ZBED4: variants seen among roughly 807,000 people sequenced by gnomAD.
ZBED4 encodes zinc finger BED domain-containing protein 4.
A neutral mutation model predicts 15.5 loss-of-function variants in ZBED4; 4 were observed. That is an observed-to-expected ratio of 0.26 (90% CI 0.13 to 0.59). The LOEUF is 0.59. ZBED4 is among the 20% of genes least tolerant of loss of function. The pLI is 0.90. For missense variants in ZBED4, 1,323 were observed against 1,461.8 expected, an observed-to-expected ratio of 0.91 and a Z score of 1.55; for synonymous variants, 692 against 608.5, an observed-to-expected ratio of 1.14 and a Z score of -2.02.
At chr22:49,857,699 C>A (rs1406405844) in intron 1 of ZBED4, among the ~76,000 whole-genome samples, 1 of 152,182 alleles carries the variant, frequency 6.6e-6, no homozygotes, top group Non-Finnish European at 1.5e-5. Context: ...TCAAGTGATT[C>A]TGCTGCCTTA....
rs943565811 is a variant in ZBED4, at chr22:49,887,485, T to G, written c.*307T>G. 1 of 261,270 alleles carries G rather than the reference T, an allele frequency of 3.8e-6. No individual in the cohort carries two copies. Among genetic ancestry groups the G allele is most frequent in the African/African-American group, 2.2e-5 (1 of 45,180 alleles). 16.2% of individuals were successfully genotyped at this position (261,270 alleles called of 1,614,324 possible). A position where few individuals can be genotyped will look rare whatever the true frequency, so the allele number is the denominator to read the frequency against. On this transcript the variant is annotated 3_prime_UTR_variant, in exon 2 of 2. Transcript: ENST00000216268. ...GTTTTGGGTTAGTAATTTGTTTTACTAGAATGACAAAGAAGATGTAAACCA... is the reference window on the plus strand; with the variant it reads ...GTTTTGGGTTAGTAATTTGTTTTACGAGAATGACAAAGAAGATGTAAACCA...
upstream of ZBED4, chr22:49,853,165 G>A (rs1355569389): frequency 2.0e-5 from 3 of 152,280 alleles, no homozygotes; most frequent in Admixed American, 2.0e-4. Context: ...ATTTGTGTTA[G>A]GAAATAACAC....
rs370021114 is a variant in ZBED4, at chr22:49,885,118, C to T, written c.1456C>T (p.Arg486Trp). 68 of 1,614,120 alleles carry T rather than the reference C, an allele frequency of 4.2e-5. No individual in the cohort carries two copies. Among genetic ancestry groups the T allele is most frequent in the East Asian group, 1.1e-4 (5 of 44,884 alleles). The stretch of plus-strand genomic sequence containing the variant: ...TCGGTACTGCGGCTGTGCCATCAGC[C>T]GGGGGAAGAAGGGTGATGTGGGCAC... Reference protein sequence around the residue: ...ECRYCGCAISRGKKGDVGTSC... With the variant: ...ECRYCGCAISWGKKGDVGTSC... The change falls in exon 2 of 2, where the codon CGG (arginine) becomes TGG (tryptophan). Residue 486 changes from arginine to tryptophan, a missense_variant. Physicochemically the swap from Arg to Trp is moderately radical, Grantham distance 101. Transcript: ENST00000216268.
rs187949743 is a variant in ZBED4 at position 49,864,355 on chromosome 22, A to G, written c.-330+10366A>G. ...AACAATGGCAGTACAACTGCCACCT[A>G]TATCATTACTGAAAACAGTGAAGAT... On this transcript the variant is annotated intron_variant, in intron 1 of 1. Transcript: ENST00000216268. 2.4e-4 allele frequency among the ~76,000 whole-genome samples: 37 copies of G among 152,358 alleles called. No homozygotes were observed. In the East Asian group the frequency reaches 4.0e-3, roughly 17 times the overall value.
chr22:49,858,172 G>A (rs940450767), intron 1 of ZBED4, among the ~76,000 whole-genome samples: 3 of 151,822 alleles, frequency 2.0e-5, no homozygotes, highest in Non-Finnish European at 4.4e-5. Context: ...AAAGGGCTGG[G>A]ATTACAGGCG....
rs1397421798 is a variant in ZBED4, at chr22:49,885,598, G to C, written c.1936G>C (p.Glu646Gln). ...SGASSFDDTN[E>Q]KFYDSHPVAK... The stretch of plus-strand genomic sequence containing the variant: ...CGCTTCCTCTTTTGATGACACCAAT[G>C]AGAAGTTTTACGATTCTCACCCAGT... The change falls in exon 2 of 2, where the codon GAG (glutamate) becomes CAG (glutamine). Residue 646 changes from glutamate to glutamine, a missense_variant. Glu to Gln is a conservative substitution (Grantham distance 29). Around this residue, in one of 6 missense-constraint regions of ZBED4, gnomAD observed 429 missense variants for 397.9 expected, o/e 1.08. Coordinates refer to ENST00000216268, the MANE Select transcript of ZBED4 (RefSeq NM_014838.3). 6.2e-7 allele frequency: 1 copy of C among 1,608,532 alleles called. No homozygotes were observed. The highest frequency in any genetic ancestry group is 1.3e-5 in the African/African-American group (1 of 74,730).
In ZBED4 at chr22:49,888,478, A is replaced by G. The variant is rs766422767; in HGVS notation, c.*1300A>G. On this transcript the variant is annotated 3_prime_UTR_variant, in exon 2 of 2. Coordinates refer to ENST00000216268, the MANE Select transcript of ZBED4 (RefSeq NM_014838.3). ...CAGACACTGGCTTTTTATTTTTAGG[A>G]TAAGAAAACAGGCATATTCTTTGTG... 7.2e-5 allele frequency: 12 copies of G among 167,248 alleles called. No homozygotes were observed. Among genetic ancestry groups the G allele is most frequent in the Admixed American group, 3.9e-4 (6 of 15,286 alleles). The allele number at this position is 167,248 out of a possible 1,614,324, so 10.4% of individuals were successfully genotyped here. A position where few individuals can be genotyped will look rare whatever the true frequency, so the allele number is the denominator to read the frequency against.
chr22:49,867,245 T>C (rs957561961), intron 1 of ZBED4, among the ~76,000 whole-genome samples: 16 of 152,230 alleles, frequency 1.1e-4, no homozygotes, highest in African/African-American at 3.1e-4. Context: ...TTAACTCCAT[T>C]GTGTTTAGAG....
rs1399125474 is a variant in ZBED4, at chr22:49,888,661, G to C, written c.*1483G>C. ...TCTCGTGTTCAAGTGGTGCCAGAAT[G>C]CAGGAGCCGGTGGGCAGCCCTGAGG... On this transcript the variant is annotated 3_prime_UTR_variant, in exon 2 of 2. Coordinates refer to ENST00000216268, the MANE Select transcript of ZBED4 (RefSeq NM_014838.3). 6.0e-6 allele frequency: 1 copy of C among 167,294 alleles called. No individual in the cohort carries two copies. Among genetic ancestry groups the C allele is most frequent in the Non-Finnish European group, 1.5e-5 (1 of 68,148 alleles). 10.4% of individuals were successfully genotyped at this position (167,294 alleles called of 1,614,324 possible). A position where few individuals can be genotyped will look rare whatever the true frequency, so the allele number is the denominator to read the frequency against.
Position 49,883,404 on chromosome 22 carries a change from G to A in ZBED4, c.-259G>A, listed in dbSNP as rs996557407. On this transcript the variant is annotated 5_prime_UTR_variant, in exon 2 of 2. Coordinates refer to ENST00000216268, the MANE Select transcript of ZBED4 (RefSeq NM_014838.3). Reference sequence around the variant, plus strand: ...ATCCTGTCCTCAGGACCAGAAGCACGTCTCTGCTGCACACATTGTTGTCTA... The same window carrying A: ...ATCCTGTCCTCAGGACCAGAAGCACATCTCTGCTGCACACATTGTTGTCTA... 4.7e-5 allele frequency: 16 copies of A among 341,232 alleles called. No individual in the cohort carries two copies. Among genetic ancestry groups the A allele is most frequent in the Non-Finnish European group, 5.7e-5 (11 of 191,578 alleles). 21.1% of individuals were successfully genotyped at this position (341,232 alleles called of 1,614,324 possible). A position where few individuals can be genotyped will look rare whatever the true frequency, so the allele number is the denominator to read the frequency against.
intron 1 of ZBED4, among the ~76,000 whole-genome samples, chr22:49,857,905 G>A (rs1387533767): frequency 3.3e-5 from 5 of 152,170 alleles, no homozygotes; most frequent in East Asian, 1.9e-4. Context: ...TACAATAGGC[G>A]TGCGCCACCG....
rs17001403 is a variant in ZBED4 at position 49,887,539 on chromosome 22, A to G, written c.*361A>G. 0.036 allele frequency: 6,957 copies of G among 194,864 alleles called. 338 individuals are homozygous for G. The highest frequency in any genetic ancestry group is 0.12 in the African/African-American group (5,168 of 42,472). 12.1% of individuals were successfully genotyped at this position (194,864 alleles called of 1,614,324 possible). ...TATTCTGTAGGCTTTTTACTCAATT[A>G]TGTACAAACCACAAATCAGGTACTG... On this transcript the variant is annotated 3_prime_UTR_variant, in exon 2 of 2. Transcript: ENST00000216268.
Position 49,883,874 on chromosome 22 carries a change from CG to C in ZBED4, c.216del (p.Lys73SerfsTer30). The C allele has an allele frequency of 1.9e-6, 3 of 1,605,866 alleles. No homozygotes were observed. The highest frequency in any genetic ancestry group is 1.1e-5 in the South Asian group (1 of 90,800). ...LGGTGCSCKP[P>X]GKYLSAESED... ...GGGACGGGTTGCAGCTGCAAGCCCC[CG>C]GGGAAGTACTTGTCTGCAGAGAGTG... On this transcript the variant is annotated frameshift_variant, in exon 2 of 2. Coordinates refer to ENST00000216268, the MANE Select transcript of ZBED4 (RefSeq NM_014838.3). LOFTEE classifies it low-confidence loss of function (END_TRUNC).
chr22:49,867,457 ACT>A (rs1372738011), intron 1 of ZBED4, among the ~76,000 whole-genome samples: 6 of 152,244 alleles, frequency 3.9e-5, no homozygotes, highest in Non-Finnish European at 8.8e-5. Flanking sequence ...GTTCTCGCTG[ACT>A]TTCTGTCTAG....
Position 49,883,909 on chromosome 22 carries a change from T to TA in ZBED4, c.248dup (p.Tyr83Ter), listed in dbSNP as rs1472517288. The TA allele has an allele frequency of 6.2e-7, 1 of 1,608,170 alleles. No homozygotes were observed. Among genetic ancestry groups the TA allele is most frequent in the Non-Finnish European group, 8.5e-7 (1 of 1,176,136 alleles). ...CTTGTCTGCAGAGAGTGAGGATGACTATGGCGCGCTGTTCTCCCAGTACAG... is the reference window on the plus strand; with the variant it reads ...CTTGTCTGCAGAGAGTGAGGATGACTAATGGCGCGCTGTTCTCCCAGTACAG... ...KYLSAESEDD[Y>*]GALFSQYSST... Residue 83 changes from tyrosine to a stop codon, truncating the protein, a stop_gained and frameshift_variant, in exon 2 of 2, where the codon TAT (tyrosine) becomes TAAT (stop). Transcript: ENST00000216268. LOFTEE classifies it low-confidence loss of function (END_TRUNC).
chr22:49,857,009 C>T (rs1025726385), intron 1 of ZBED4, among the ~76,000 whole-genome samples: 1 of 152,212 alleles, frequency 6.6e-6, no homozygotes, highest in African/African-American at 2.4e-5. Flanking sequence ...ACTGCTGCAG[C>T]CCCCTACCTG....
Position 49,884,900 on chromosome 22 carries a change from C to T in ZBED4, c.1238C>T (p.Ala413Val). ...GATGGGCTGATGGAAGACGTGGCGG[C>T]CTTCTCATCTTCCGATGACATAGGG... is the stretch of plus-strand genomic sequence containing the variant. ...PGDGLMEDVA[A>V]FSSSDDIGEA... The change falls in exon 2 of 2, where the codon GCC becomes GTC. Residue 413 changes from alanine (A) to valine (V), a missense_variant. This residue lies in a region of ZBED4 where 429 missense variants were observed against 397.9 expected (regional missense o/e 1.08). Coordinates refer to ENST00000216268, the MANE Select transcript of ZBED4 (RefSeq NM_014838.3). 2 of 1,602,478 alleles carry T rather than the reference C, an allele frequency of 1.2e-6. No homozygotes were observed. Among genetic ancestry groups the T allele is most frequent in the Non-Finnish European group, 1.7e-6 (2 of 1,172,672 alleles).
Position 49,884,655 on chromosome 22 carries a change from G to C in ZBED4, c.993G>C (p.Met331Ile). Residue 331 changes from methionine (M) to isoleucine (I), a missense_variant, in exon 2 of 2, where the codon ATG (methionine) becomes ATC (isoleucine). By Grantham distance (10) the Met-to-Ile change is conservative. Around this residue, in one of 6 missense-constraint regions of ZBED4, gnomAD observed 13 missense variants for 30.5 expected, o/e 0.43. Coordinates refer to ENST00000216268, the MANE Select transcript of ZBED4 (RefSeq NM_014838.3). ...DLGTSCLIRH[M>I]WRAHRAIVLQ... ...GCACGAGCTGCCTCATCAGGCACAT[G>C]TGGAGGGCACACCGCGCCATCGTGT... 6.8e-6 allele frequency: 11 copies of C among 1,612,330 alleles called. No homozygotes were observed. The highest frequency in any genetic ancestry group is 7.6e-6 in the Non-Finnish European group (9 of 1,179,092).
intron 1 of ZBED4, among the ~76,000 whole-genome samples, chr22:49,875,418 C>CTTTTTTTTTTTTTTT (rs55993655): frequency 6.9e-6 from 1 of 145,172 alleles, no homozygotes. Flanking sequence ...AATTTATTTT[C>CTTTTTTTTTTTTTTT]TTTTTTTTTT....
Sources: gnomAD v4.1 joint callset for allele counts (sites outside exome capture counted in the v4.1 genomes callset) on GRCh38, gnomAD v4.1.1 for gene constraint, gnomAD v4.1.1 regional missense constraint, MANE v1.5 for transcripts, NCBI Gene and HGNC (gene_info 2026-07-23, HGNC 2026-07-21) for gene names.